Variants in MGAT4C observed in about 807,000 individuals in gnomAD.
MGAT4C encodes the protein MGAT4 family member C.
In MGAT4C, 19 loss-of-function variants were observed where a neutral mutation model predicts 40.1. The observed-to-expected ratio is 0.47, with a 90% CI of 0.33 to 0.70. The LOEUF (loss-of-function observed/expected upper bound fraction) is 0.70. Ranked by LOEUF, MGAT4C falls within the 30% of genes least tolerant of loss-of-function variation. The pLI is 0.02. For missense variants in MGAT4C, 491 were observed against 563.2 expected, an observed-to-expected ratio of 0.87 and a Z score of 1.30; for synonymous variants, 181 against 187.1, an observed-to-expected ratio of 0.97 and a Z score of 0.27.
intron 2 of MGAT4C, among the ~76,000 whole-genome samples, chr12:86,670,932 A>G (rs1964240941): frequency 6.6e-6 from 1 of 152,344 alleles, no homozygotes; most frequent in East Asian, 1.9e-4. Flanking sequence ...GAATGAAACA[A>G]AAGACTTCAT....
At chr12:86,806,452 G>A (rs1277387518) in intron 1 of MGAT4C, among the ~76,000 whole-genome samples, 1 of 151,538 alleles carries the variant, frequency 6.6e-6, no homozygotes, top group Non-Finnish European at 1.5e-5. Context: ...GTGTGTGTGA[G>A]AGAGAGAGTA....
intron 2 of MGAT4C, among the ~76,000 whole-genome samples, chr12:86,002,794 C>T (rs930479371): frequency 2.0e-5 from 3 of 151,042 alleles, no homozygotes; most frequent in African/African-American, 7.3e-5. Context: ...TATCAAATTA[C>T]TTAGTACTTT....
At chr12:86,586,900 G>C (rs1387582508) in intron 2 of MGAT4C, among the ~76,000 whole-genome samples, 1 of 152,040 alleles carries the variant, frequency 6.6e-6, no homozygotes, top group Non-Finnish European at 1.5e-5. Flanking sequence ...CATTTTGTGG[G>C]TTGCCTGTTC....
intron 1 of MGAT4C, among the ~76,000 whole-genome samples, chr12:86,135,806 T>C (rs899690875): frequency 3.3e-5 from 5 of 152,190 alleles, no homozygotes; most frequent in Non-Finnish European, 7.3e-5. Flanking sequence ...GGATAAAATA[T>C]GTTTTTCAGA....
intron 2 of MGAT4C, among the ~76,000 whole-genome samples, chr12:86,725,546 C>T (rs1950808196): frequency 6.6e-6 from 1 of 152,000 alleles, no homozygotes; most frequent in East Asian, 1.9e-4. Context: ...CTGCAACCTC[C>T]GCCTCCTGAG....
chr12:86,379,091 G>A (rs755155382), intron 3 of MGAT4C, among the ~76,000 whole-genome samples: 23 of 151,860 alleles, frequency 1.5e-4, no homozygotes, highest in Non-Finnish European at 2.8e-4. Context: ...CAATATCTTA[G>A]GCAAGTAGTA....
intron 1 of MGAT4C, among the ~76,000 whole-genome samples, chr12:86,129,544 C>CTTTTTTTTTTTT (rs751908017): frequency 1.3e-4 from 2 of 15,066 alleles, no homozygotes; most frequent in Non-Finnish European, 1.9e-4. Flanking sequence ...CTTACACAAT[C>CTTTTTTTTTTTT]TTTTTTTTTT....
At chr12:86,373,018 C>G (rs947592176) in intron 3 of MGAT4C, among the ~76,000 whole-genome samples, 3 of 150,880 alleles carry the variant, frequency 2.0e-5, no homozygotes, top group Admixed American at 2.0e-4. Context: ...AAAATTATAA[C>G]AAAAGGCAAA....
At chr12:86,721,912 G>T (rs1950743725) in intron 2 of MGAT4C, among the ~76,000 whole-genome samples, 1 of 152,028 alleles carries the variant, frequency 6.6e-6, no homozygotes, top group African/African-American at 2.4e-5. Flanking sequence ...ATTTGATGCA[G>T]GTAGAATGGT....
intron 1 of MGAT4C, among the ~76,000 whole-genome samples, chr12:86,157,686 G>A (rs1334879677): frequency 6.6e-6 from 1 of 152,128 alleles, no homozygotes; most frequent in Non-Finnish European, 1.5e-5. Flanking sequence ...TACAATCATG[G>A]AGGAAGGTGA....
chr12:86,649,549 T>C (rs1213763211), intron 2 of MGAT4C, among the ~76,000 whole-genome samples: 1 of 151,820 alleles, frequency 6.6e-6, no homozygotes, highest in Non-Finnish European at 1.5e-5. Flanking sequence ...CCAAATATTA[T>C]TCTGTTATAA....
chr12:86,035,409 G>A lies in MGAT4C; in HGVS notation c.-7+14265C>T, dbSNP rs147599653. ...AGAAGTGTCTGTTCATATCCTTCACGCACTTTTTGATGGGGTTGTTTTTTT... is the reference window on the plus strand; with the variant it reads ...AGAAGTGTCTGTTCATATCCTTCACACACTTTTTGATGGGGTTGTTTTTTT... On this transcript the variant is annotated intron_variant, in intron 2 of 4. Transcript: ENST00000611864. Among the ~76,000 whole-genome samples, 163 of 149,780 alleles carry A rather than the reference G, an allele frequency of 1.1e-3. 13 individuals carry two copies. The highest frequency in any genetic ancestry group is 3.7e-3 in the Middle Eastern group (1 of 270).
chr12:86,238,588 G>C (rs1446801413), intron 1 of MGAT4C, among the ~76,000 whole-genome samples: 1 of 151,870 alleles, frequency 6.6e-6, no homozygotes, highest in Non-Finnish European at 1.5e-5. Context: ...ATCTAAATTT[G>C]TATTGTATGC....
At chr12:86,084,484 T>G (rs1871377720) in intron 1 of MGAT4C, among the ~76,000 whole-genome samples, 2 of 152,016 alleles carry the variant, frequency 1.3e-5, no homozygotes, top group African/African-American at 4.8e-5. Context: ...TTTCAAGAGA[T>G]TCACTTAATT....
intron 1 of MGAT4C, among the ~76,000 whole-genome samples, chr12:86,185,080 A>C (rs1888596421): frequency 6.6e-6 from 1 of 152,102 alleles, no homozygotes; most frequent in Non-Finnish European, 1.5e-5. Flanking sequence ...CACTCATTCT[A>C]ATTTATAGAA....
At chr12:86,786,761 G>A (rs567935540) in intron 1 of MGAT4C, among the ~76,000 whole-genome samples, 98 of 152,134 alleles carry the variant, frequency 6.4e-4, no homozygotes, top group African/African-American at 2.3e-3. Flanking sequence ...TATTACTTAC[G>A]TCAATCCTGT....
At chr12:86,488,840 T>C (rs1408080673) in intron 2 of MGAT4C, among the ~76,000 whole-genome samples, 2 of 152,226 alleles carry the variant, frequency 1.3e-5, no homozygotes, top group Middle Eastern at 3.4e-3. Context: ...TAAAATAAAT[T>C]TCTATTTCAA....
chr12:86,818,459 A>T lies in MGAT4C; in HGVS notation c.-262+20207T>A, dbSNP rs1037272864. ...GAGGGATAAGGTAATAGAAAATCAGAGTGAATTGTTAGAGGCATGGAAACT... is the reference window on the plus strand; with the variant it reads ...GAGGGATAAGGTAATAGAAAATCAGTGTGAATTGTTAGAGGCATGGAAACT... On this transcript the variant is annotated intron_variant, in intron 1 of 7. Coordinates refer to the MGAT4C transcript ENST00000548651. Among the ~76,000 whole-genome samples the T allele has an allele frequency of 7.3e-5, 11 of 151,216 alleles. No homozygotes were observed. In the Admixed American group the frequency reaches 7.3e-4, roughly 10 times the overall value.
At chr12:86,621,894 G>GT (rs1962650547) in intron 2 of MGAT4C, among the ~76,000 whole-genome samples, 1 of 152,292 alleles carries the variant, frequency 6.6e-6, no homozygotes, top group African/African-American at 2.4e-5. Flanking sequence ...GTGATATGCA[G>GT]TATGATACTT....
Sources: gnomAD v4.1 joint callset for allele counts (sites outside exome capture counted in the v4.1 genomes callset) on GRCh38, gnomAD v4.1.1 for gene constraint, MANE v1.5 for transcripts, NCBI Gene and HGNC (gene_info 2026-07-23, HGNC 2026-07-21) for gene names.